Variants in C3orf20 observed in about 807,000 individuals in gnomAD.
C3orf20 encodes the protein uncharacterized protein C3orf20.
A neutral mutation model predicts 88.3 loss-of-function variants in C3orf20; 76 were observed. The observed-to-expected ratio is 0.86, with a 90% CI of 0.72 to 1.04. The LOEUF is 1.04. Ranked by LOEUF, C3orf20 falls within the 50% of genes least tolerant of loss-of-function variation. C3orf20 has a pLI of 0.00. For synonymous variants in C3orf20, 436 were observed against 437.4 expected, an observed-to-expected ratio of 1.00 and a Z score of 0.04; for missense variants, 1,056 against 1,123.3, an observed-to-expected ratio of 0.94 and a Z score of 0.86.
intron 9 of C3orf20, among the ~76,000 whole-genome samples, chr3:14,720,262 C>A (rs1054679703): frequency 6.6e-6 from 1 of 152,154 alleles, no homozygotes; most frequent in Non-Finnish European, 1.5e-5. Context: ...GATCTCCTGA[C>A]CTCGTGATCC....
intron 7 of C3orf20, among the ~76,000 whole-genome samples, chr3:14,711,042 C>T (rs903423396): frequency 5.3e-5 from 8 of 151,992 alleles, no homozygotes; most frequent in Non-Finnish European, 1.0e-4. Context: ...TACAGGTGTG[C>T]ACCACCATGC....
At chr3:14,675,535 C>T (rs1175460586) in intron 1 of C3orf20, among the ~76,000 whole-genome samples, 1 of 152,042 alleles carries the variant, frequency 6.6e-6, no homozygotes, top group African/African-American at 2.4e-5. Flanking sequence ...TATCGATGTT[C>T]TGTTATGGTG....
chr3:14,688,529 C>CAAAAAAAAAAAAAAAAA (rs35979290), intron 4 of C3orf20, among the ~76,000 whole-genome samples: 1 of 105,852 alleles, frequency 9.4e-6, no homozygotes. Context: ...GAGACTGTCT[C>CAAAAAAAAAAAAAAAAA]AAAAAAAAAA....
At chr3:14,699,325 C>A (rs1411072174) in intron 5 of C3orf20, among the ~76,000 whole-genome samples, 1 of 152,174 alleles carries the variant, frequency 6.6e-6, no homozygotes, top group Non-Finnish European at 1.5e-5. Flanking sequence ...AGAAGGAGTC[C>A]CTCACTGTGA....
At chr3:14,688,118 G>A (rs981085795) in intron 4 of C3orf20, among the ~76,000 whole-genome samples, 1 of 152,172 alleles carries the variant, frequency 6.6e-6, no homozygotes. Flanking sequence ...CACTCCTGGG[G>A]CATAAAAAAG....
intron 15 of C3orf20, among the ~76,000 whole-genome samples, chr3:14,762,901 C>A (rs146412731): frequency 1.0e-3 from 153 of 152,268 alleles, no homozygotes; most frequent in Non-Finnish European, 1.9e-3. Context: ...AGAGGTCATG[C>A]CAAGTGACCC....
Position 14,772,101 on chromosome 3 carries a change from G to A in C3orf20, c.2530G>A (p.Glu844Lys). The change falls in exon 16 of 17, where the codon GAA becomes AAA. Residue 844 changes from glutamate to lysine, a missense_variant. By Grantham distance (56) the Glu-to-Lys change is moderately conservative (BLOSUM62 1). Transcript: ENST00000253697. This position sits in a 1 kb window ranked among gnomAD's most constrained non-coding sequence, Gnocchi z 4.2. Reference sequence around the variant, plus strand: ...CTCTGTCCTGAGCCTGGAGGATTCTGAATCAGTCAAGAAAGCCGAGTCAGA... The same window carrying A: ...CTCTGTCCTGAGCCTGGAGGATTCTAAATCAGTCAAGAAAGCCGAGTCAGA... ...PNSVLSLEDS[E>K]SVKKAESEDI... The A allele has an allele frequency of 6.2e-7, 1 of 1,614,220 alleles. No homozygotes were observed. The highest frequency in any genetic ancestry group is 8.5e-7 in the Non-Finnish European group (1 of 1,180,038).
At chr3:14,746,467 G>T (rs1179323812) in intron 12 of C3orf20, among the ~76,000 whole-genome samples, 4 of 152,164 alleles carry the variant, frequency 2.6e-5, no homozygotes, top group Non-Finnish European at 5.9e-5. Flanking sequence ...TTTCCCTGTG[G>T]TCTTGACTGT....
At chr3:14,728,790 T>A in intron 12 of C3orf20, 102 bp downstream of exon 12, 1 of 1,187,276 alleles carries the variant, frequency 8.4e-7, no homozygotes, top group Non-Finnish European at 1.2e-6. Context: ...TTTTGGAGCT[T>A]AAATTCCAAG....
intron 15 of C3orf20, among the ~76,000 whole-genome samples, chr3:14,771,837 T>A (rs1559453449): frequency 6.6e-6 from 1 of 151,960 alleles, no homozygotes; most frequent in Non-Finnish European, 1.5e-5. Context: ...GTGTTGGGGG[T>A]GCGAGTGTAG....
intron 15 of C3orf20, among the ~76,000 whole-genome samples, chr3:14,762,521 C>T (rs190489053): frequency 3.2e-4 from 48 of 152,260 alleles, no homozygotes; most frequent in African/African-American, 1.1e-3. Flanking sequence ...AGGTTGGAGC[C>T]CCTGCTCCAC....
At chr3:14,767,256 G>A (rs1238839034) in intron 15 of C3orf20, 1 of 152,332 alleles carries the variant, frequency 6.6e-6, no homozygotes, top group Non-Finnish European at 1.5e-5. Flanking sequence ...GCATGGGGTG[G>A]TGGGGAGAGG....
intron 5 of C3orf20, among the ~76,000 whole-genome samples, chr3:14,693,836 A>G (rs2032847416): frequency 1.3e-5 from 2 of 152,324 alleles, no homozygotes; most frequent in South Asian, 4.1e-4. Context: ...TCTGTCATAT[A>G]TGGCTTTTAC....
intron 12 of C3orf20, among the ~76,000 whole-genome samples, chr3:14,743,531 C>G (rs1464906906): frequency 1.3e-5 from 2 of 151,928 alleles, no homozygotes; most frequent in Non-Finnish European, 2.9e-5. Flanking sequence ...GGACAATGGC[C>G]CTCTTCTCAC....
intron 15 of C3orf20, 102 bp downstream of exon 15, chr3:14,761,717 GCTGAAGGGATGGAGTGGGGA>G: frequency 7.9e-7 from 1 of 1,271,068 alleles, no homozygotes; most frequent in South Asian, 1.3e-5. Flanking sequence ...AGCAGGCGGG[GCTGAAGGGATGGAGTGGGGA>G]GGGGGGCTGG....
At chr3:14,677,537 G>C (rs1252257067) in intron 1 of C3orf20, among the ~76,000 whole-genome samples, 2 of 151,838 alleles carry the variant, frequency 1.3e-5, no homozygotes, top group East Asian at 3.9e-4. Context: ...TTTCGTTCCT[G>C]TTGCCCAGGC....
chr3:14,706,839 C>T (rs903032860), intron 7 of C3orf20, among the ~76,000 whole-genome samples: 6 of 152,260 alleles, frequency 3.9e-5, no homozygotes, highest in African/African-American at 1.4e-4. Flanking sequence ...TTTGATCCCT[C>T]TCAAGTACAG....
chr3:14,704,157 G>A (rs1016066041), intron 6 of C3orf20, among the ~76,000 whole-genome samples, 180 bp from the exon 7 acceptor site: 1 of 152,168 alleles, frequency 6.6e-6, no homozygotes, highest in African/African-American at 2.4e-5. Context: ...CGGGCATTGG[G>A]AACTTCCCAG....
At chr3:14,733,678 A>C (rs1169836049) in intron 12 of C3orf20, among the ~76,000 whole-genome samples, 1 of 151,626 alleles carries the variant, frequency 6.6e-6, no homozygotes, top group Non-Finnish European at 1.5e-5. Context: ...CTAAATGTTT[A>C]AATATGTTGA....
Sources: allele counts gnomAD v4.1 joint callset (sites outside exome capture counted in the v4.1 genomes callset), GRCh38; gene constraint gnomAD v4.1.1; non-coding constraint Gnocchi (gnomAD v3.1); transcripts MANE v1.5; gene names NCBI Gene and HGNC (gene_info 2026-07-23, HGNC 2026-07-21).